Variants in DOCK8 observed in about 807,000 individuals in gnomAD.
DOCK8 encodes dedicator of cytokinesis 8.
In DOCK8, 141 loss-of-function variants were observed where a neutral mutation model predicts 245.6. That is an observed-to-expected ratio of 0.57 (90% CI 0.50 to 0.66). The LOEUF is 0.66. Among genes scored for constraint, DOCK8 ranks in the 30% least tolerant of loss-of-function variants. The pLI is 0.00. For synonymous variants in DOCK8, 1,168 were observed against 970.2 expected (o/e 1.20, Z -3.79); for missense variants, 2,965 against 2,603.4 (o/e 1.14, Z -3.02).
rs970486303 is a variant in DOCK8, at chr9:232,978, G to A, written c.53+17949G>A. 9.3e-3 allele frequency among the ~76,000 whole-genome samples: 1,411 copies of A among 152,062 alleles called. 15 individuals carry two copies. Among genetic ancestry groups the A allele is most frequent in the African/African-American group, 0.032 (1,322 of 41,466 alleles). Reference sequence around the variant, plus strand: ...TGCTCTTGCTTCTCTAGTTCTTTTAGTTGTGATGTTAGGGTGTCAATTTTG... The same window carrying A: ...TGCTCTTGCTTCTCTAGTTCTTTTAATTGTGATGTTAGGGTGTCAATTTTG... On this transcript the variant is annotated intron_variant, in intron 1 of 47. Coordinates refer to ENST00000432829, the MANE Select transcript of DOCK8 (RefSeq NM_203447.4).
intron 44 of DOCK8, 80 bp from the exon 45 acceptor site, chr9:449,704 C>A: frequency 1.3e-6 from 2 of 1,590,882 alleles, no homozygotes; most frequent in South Asian, 1.1e-5. Flanking sequence ...ATTCAGGTGG[C>A]CTCTCTGTCA....
At chr9:451,891 ATG>A in intron 45 of DOCK8, 118 bp from the exon 46 acceptor site, 1 of 42,546 alleles carries the variant, frequency 2.4e-5, no homozygotes, top group Non-Finnish European at 6.7e-5. Context: ...ATACATATAT[ATG>A]CATATACATA....
chr9:316,510 G>C (rs1040187013), intron 6 of DOCK8, among the ~76,000 whole-genome samples: 3 of 152,166 alleles, frequency 2.0e-5, no homozygotes, highest in African/African-American at 7.2e-5. Flanking sequence ...TCTAGAACTT[G>C]TCAATTCAAC....
chr9:386,334 G>A lies in DOCK8; in HGVS notation c.2782G>A (p.Ala928Thr), dbSNP rs138628834. The change falls in exon 23 of 48, where the codon GCC becomes ACC. Residue 928 changes from alanine (A) to threonine (T), a missense_variant. Coordinates refer to ENST00000432829, the MANE Select transcript of DOCK8 (RefSeq NM_203447.4). ...AGCCATGGTTTGTGTATTTTAGATC[G>A]CCGATCGCAACTGCAGCCGAATGTC... ...EVKNIMSSKI[A>T]DRNCSRMSYY... The A allele has an allele frequency of 1.6e-5, 26 of 1,613,116 alleles. No individual in the cohort carries two copies. Among genetic ancestry groups the A allele is most frequent in the South Asian group, 3.3e-5 (3 of 91,024 alleles).
At position 379,829 on chromosome 9, in the gene DOCK8, C is replaced by T. The variant is rs2053667881; in HGVS notation, c.2499C>T (p.Asn833=). The T allele has an allele frequency of 2.5e-6, 4 of 1,614,124 alleles. No individual in the cohort carries two copies. Among genetic ancestry groups the T allele is most frequent in the East Asian group, 4.5e-5 (2 of 44,896 alleles). ...TGGCCATCGCCAACAGTCTGCACAACAGCAAGGACCTGAGCAAGGACCAGC... is the reference window on the plus strand; with the variant it reads ...TGGCCATCGCCAACAGTCTGCACAATAGCAAGGACCTGAGCAAGGACCAGC... ...SVVAIANSLH[N]SKDLSKDQHG... The change falls in exon 21 of 48, where the codon AAC becomes AAT. Residue 833 remains asparagine (N), a synonymous_variant. Transcript: ENST00000432829.
intron 1 of DOCK8, chr9:215,239 C>A (rs1264005096): frequency 1.9e-6 from 3 of 1,581,798 alleles, no homozygotes; most frequent in Admixed American, 3.6e-5. Context: ...GAGGTCCTCC[C>A]CAAGAATCTC....
At chr9:275,387 G>A (rs201754718) in intron 2 of DOCK8, among the ~76,000 whole-genome samples, 185 of 152,268 alleles carry the variant, frequency 1.2e-3, no homozygotes, top group Non-Finnish European at 2.1e-3. Context: ...TGTGATAGGA[G>A]GCAAAGGCTT....
intron 2 of DOCK8, among the ~76,000 whole-genome samples, 176 bp downstream of exon 2, chr9:271,905 A>G (rs1288064973): frequency 2.0e-5 from 3 of 152,220 alleles, no homozygotes; most frequent in African/African-American, 7.2e-5. Context: ...CTCTCTGCCA[A>G]CCGGTACTTA....
rs1198131607 is a variant in DOCK8, at chr9:400,976, A to ACCACCATCT, written c.3234+1717_3234+1718insCCACCATCT. 8.8e-4 allele frequency among the ~76,000 whole-genome samples: 121 copies of ACCACCATCT among 138,106 alleles called. 10 individuals carry two copies. Among genetic ancestry groups the ACCACCATCT allele is most frequent in the Non-Finnish European group, 1.5e-3 (93 of 62,992 alleles). The allele number at this position is 138,106 out of a possible 152,430, so 90.6% of individuals were successfully genotyped here. A position where few individuals can be genotyped will look rare whatever the true frequency, so the allele number is the denominator to read the frequency against. On this transcript the variant is annotated intron_variant, in intron 26 of 47. Transcript: ENST00000432829. Reference sequence around the variant, plus strand: ...CACCACCACCACCACCTCCTCCACCATCACCACCTCCTCCACCACCACCAC... The same window carrying ACCACCATCT: ...CACCACCACCACCACCTCCTCCACCACCACCATCTTCACCACCTCCTCCACCACCACCAC...
intron 1 of DOCK8, among the ~76,000 whole-genome samples, chr9:218,575 C>G (rs912811579): frequency 6.6e-6 from 1 of 152,126 alleles, no homozygotes; most frequent in African/African-American, 2.4e-5. Flanking sequence ...GTGGGAACAT[C>G]TAGTCTTGTT....
chr9:329,376 C>A (rs933089567), intron 9 of DOCK8, among the ~76,000 whole-genome samples: 1 of 152,050 alleles, frequency 6.6e-6, no homozygotes, highest in Non-Finnish European at 1.5e-5. Flanking sequence ...AGTGATCGCC[C>A]CATGATCTCA....
At chr9:397,500 C>T (rs533469977) in intron 25 of DOCK8, among the ~76,000 whole-genome samples, 38 of 151,826 alleles carry the variant, frequency 2.5e-4, no homozygotes, top group Admixed American at 2.2e-3. Context: ...ACCAGCCTGG[C>T]CAACATGTTG....
At chr9:296,175 T>C (rs1052956961) in intron 4 of DOCK8, among the ~76,000 whole-genome samples, 6 of 152,224 alleles carry the variant, frequency 3.9e-5, no homozygotes, top group African/African-American at 1.4e-4. Context: ...GTTTACTGAT[T>C]AGCATGGCGC....
intron 1 of DOCK8, among the ~76,000 whole-genome samples, chr9:262,745 G>A (rs1351775776): frequency 1.3e-5 from 2 of 151,600 alleles, no homozygotes; most frequent in East Asian, 3.9e-4. Context: ...CTATACGTAT[G>A]TCAAAGCTTA....
chr9:251,406 T>C (rs1366701854), intron 1 of DOCK8, among the ~76,000 whole-genome samples: 1 of 152,216 alleles, frequency 6.6e-6, no homozygotes, highest in African/African-American at 2.4e-5. Context: ...GGATTAATGA[T>C]ATTGGAGCCA....
upstream of DOCK8, chr9:214,779 C>T (rs369475517): frequency 6.5e-7 from 1 of 1,548,254 alleles, no homozygotes; most frequent in Non-Finnish European, 8.7e-7. Context: ...GGTGGCGGAG[C>T]CGGCCGTCGC....
rs746305761 is a variant in DOCK8, at chr9:368,069, A to G, written c.1731A>G (p.Ala577=). 1.2e-6 allele frequency: 2 copies of G among 1,614,198 alleles called. No individual in the cohort carries two copies. Among genetic ancestry groups the G allele is most frequent in the Non-Finnish European group, 1.7e-6 (2 of 1,180,022 alleles). ...PQRLNFVNKL[A]SARNITIKIQ... is the part of the protein sequence containing the mutation. ...GGCTGAACTTTGTAAACAAACTAGC[A>G]TCAGCCCGGAACATTACAATAAAGA... The change falls in exon 15 of 48, where the codon GCA becomes GCG. Residue 577 remains alanine, a synonymous_variant. Transcript: ENST00000432829.
At chr9:402,394 T>G (rs1004370122) in intron 26 of DOCK8, among the ~76,000 whole-genome samples, 3 of 151,956 alleles carry the variant, frequency 2.0e-5, no homozygotes, top group Non-Finnish European at 2.9e-5. Flanking sequence ...CATCAGCCTT[T>G]GAGGCATTCA....
chr9:324,189 A>C (rs2050650638), intron 7 of DOCK8, among the ~76,000 whole-genome samples: 1 of 152,200 alleles, frequency 6.6e-6, no homozygotes. Flanking sequence ...CATGATTCCA[A>C]ATTGCCTCAT....
Sources: allele counts gnomAD v4.1 joint callset (sites outside exome capture counted in the v4.1 genomes callset), GRCh38; gene constraint gnomAD v4.1.1; transcripts MANE v1.5; gene names NCBI Gene and HGNC (gene_info 2026-07-23, HGNC 2026-07-21).